Variants in SEPTIN10 observed in about 807,000 individuals in gnomAD.
SEPTIN10 encodes septin-10.
A neutral mutation model predicts 54.8 loss-of-function variants in SEPTIN10; 66 were observed. The ratio of observed to expected loss-of-function variants is 1.21; its 90% CI spans 0.99 to 1.48. The LOEUF (loss-of-function observed/expected upper bound fraction) is 1.48, where lower values mean the gene tolerates loss of function less well. SEPTIN10 is among the 40% of genes most tolerant of loss of function. The pLI, the probability that SEPTIN10 is intolerant of heterozygous loss-of-function variation, is 0.00. For missense variants in SEPTIN10, 620 were observed against 545.6 expected (o/e 1.14, Z -1.36); for synonymous variants, 161 against 181.0 (o/e 0.89, Z 0.89).
At position 109,564,414 on chromosome 2, in the gene SEPTIN10, A is replaced by G. The variant is rs1029419771; in HGVS notation, c.980T>C (p.Leu327Pro). 2.5e-5 allele frequency: 40 copies of G among 1,593,622 alleles called. No homozygotes were observed. Among genetic ancestry groups the G allele is most frequent in the Admixed American group, 5.1e-5 (3 of 59,010 alleles). The change falls in exon 8 of 11, where the codon CTG becomes CCG. Residue 327 changes from leucine (L) to proline (P), a missense_variant. Coordinates refer to ENST00000397712, the MANE Select transcript of SEPTIN10 (RefSeq NM_144710.5). ...RHYELYRRCKLEEMGFTDVGP... is the reference protein window; with the variant it reads ...RHYELYRRCKPEEMGFTDVGP... Reference sequence around the variant, plus strand: ...CACATCTGTAAAGCCCATTTCCTCCAGTTTGCAGCGCCTGTAAAGCTCATA... The same window carrying G: ...CACATCTGTAAAGCCCATTTCCTCCGGTTTGCAGCGCCTGTAAAGCTCATA...
Position 109,557,370 on chromosome 2 carries a change from AC to A in SEPTIN10, c.1029-4152del, listed in dbSNP as rs531964871. 1.2e-4 allele frequency among the ~76,000 whole-genome samples: 18 copies of A among 152,304 alleles called. No individual in the cohort carries two copies. In the South Asian group the frequency reaches 3.3e-3, roughly 28 times the overall value. Reference sequence around the variant, plus strand: ...TACTCTTCTGGACTCCTTTATGTTGACTATTTAATTCCCACAGCAACCCTGA... The same window carrying A: ...TACTCTTCTGGACTCCTTTATGTTGATATTTAATTCCCACAGCAACCCTGA... On this transcript the variant is annotated intron_variant, in intron 8 of 10. Coordinates refer to ENST00000397712, the MANE Select transcript of SEPTIN10 (RefSeq NM_144710.5).
chr2:109,545,244 C>T, intron 10 of SEPTIN10: 1 of 1,359,292 alleles, frequency 7.4e-7, no homozygotes. Context: ...TGATGAATTT[C>T]CTCAAGAGCC....
chr2:109,567,698 C>G (rs975921986), intron 6 of SEPTIN10, 117 bp downstream of exon 6: 20 of 1,049,760 alleles, frequency 1.9e-5, no homozygotes, highest in Middle Eastern at 6.7e-4. Context: ...GAAAATTCAC[C>G]TTGTTTGAAG....
intron 9 of SEPTIN10, among the ~76,000 whole-genome samples, chr2:109,550,378 T>A (rs1682609187): frequency 6.6e-6 from 1 of 151,534 alleles, no homozygotes; most frequent in Non-Finnish European, 1.5e-5. Context: ...AGTGGCATAA[T>A]CTTGGCTCAC....
At position 109,565,934 on chromosome 2, in the gene SEPTIN10, G is replaced by C. The variant is rs538631640; in HGVS notation, c.763-75C>G. ...TAGATAAAATAAATTTTATGTGAGAGAGAAGAGAATAATTAAATAACAAAC... is the reference window on the plus strand; with the variant it reads ...TAGATAAAATAAATTTTATGTGAGACAGAAGAGAATAATTAAATAACAAAC... On this transcript the variant is annotated intron_variant, in intron 6 of 10. Coordinates refer to ENST00000397712, the MANE Select transcript of SEPTIN10 (RefSeq NM_144710.5). 37 of 1,270,870 alleles carry C rather than the reference G, an allele frequency of 2.9e-5. No individual in the cohort carries two copies. The South Asian group carries it at 4.4e-4, about 15-fold the overall frequency. 78.7% of individuals were successfully genotyped at this position (1,270,870 alleles called of 1,614,324 possible). A position where few individuals can be genotyped will look rare whatever the true frequency, so the allele number is the denominator to read the frequency against.
chr2:109,556,190 G>A lies in SEPTIN10; in HGVS notation c.1029-2971C>T, dbSNP rs2104891778. On this transcript the variant is annotated intron_variant, in intron 8 of 10. Transcript: ENST00000397712. ...CAGTAGCTGCCCTTTCCTATGTGTA[G>A]AATTTTGGAGGTATAATAAGCCTTC... Among the ~76,000 whole-genome samples, 2 of 152,284 alleles carry A rather than the reference G, an allele frequency of 1.3e-5. 1 individual carries two copies. The highest frequency in any genetic ancestry group is 6.8e-3 in the Middle Eastern group (2 of 294).
chr2:109,577,597 T>TA (rs1279026463), intron 4 of SEPTIN10, among the ~76,000 whole-genome samples: 49 of 127,940 alleles, frequency 3.8e-4, no homozygotes, highest in Admixed American at 2.9e-3. Flanking sequence ...ACCTCAAAAT[T>TA]TAAAAAAAAA....
At chr2:109,577,025 C>G (rs868274095) in intron 4 of SEPTIN10, among the ~76,000 whole-genome samples, 139 of 152,054 alleles carry the variant, frequency 9.1e-4, no homozygotes, top group African/African-American at 3.3e-3. Flanking sequence ...AATAAAAACC[C>G]AGGTACAGCA....
At chr2:109,545,689 A>G (rs1681019070) in intron 10 of SEPTIN10, 2 of 1,463,404 alleles carry the variant, frequency 1.4e-6, no homozygotes, top group Non-Finnish European at 9.0e-7. Flanking sequence ...GAAATTCAAA[A>G]TAACTCATGG....
intron 1 of SEPTIN10, among the ~76,000 whole-genome samples, chr2:109,600,419 T>A (rs938527584): frequency 1.3e-5 from 2 of 152,100 alleles, no homozygotes; most frequent in African/African-American, 4.8e-5. Context: ...ATTCTGTGCA[T>A]CTGACAATAT....
At chr2:109,563,722 C>G (rs1175602251) in intron 8 of SEPTIN10, among the ~76,000 whole-genome samples, 1 of 152,190 alleles carries the variant, frequency 6.6e-6, no homozygotes, top group East Asian at 1.9e-4. Context: ...CTCCAACTCC[C>G]TACAAGCACT....
intron 5 of SEPTIN10, 116 bp from the exon 6 acceptor site, chr2:109,568,092 G>A (rs1687501306): frequency 1.3e-6 from 1 of 761,398 alleles, no homozygotes; most frequent in Admixed American, 2.9e-5. Flanking sequence ...ACCTAGATCG[G>A]GGGGCTGGCA....
At chr2:109,564,217 G>A in intron 8 of SEPTIN10, 149 bp downstream of exon 8, 2 of 661,532 alleles carry the variant, frequency 3.0e-6, no homozygotes, top group Non-Finnish European at 4.4e-6. Flanking sequence ...AGTGATTCAA[G>A]AAGCACAATA....
intron 3 of SEPTIN10, 99 bp downstream of exon 3, chr2:109,585,622 T>G: frequency 4.5e-6 from 4 of 886,296 alleles, no homozygotes; most frequent in Non-Finnish European, 7.3e-6. Flanking sequence ...GATCATGATT[T>G]CAAATTGATA....
At chr2:109,604,152 ACT>A (rs1697324978) in intron 1 of SEPTIN10, among the ~76,000 whole-genome samples, 1 of 128,096 alleles carries the variant, frequency 7.8e-6, no homozygotes, top group Non-Finnish European at 1.6e-5. Flanking sequence ...ACAGAGCGAG[ACT>A]CTGCCTCAAA....
chr2:109,547,350 T>C (rs893758973), intron 9 of SEPTIN10, among the ~76,000 whole-genome samples: 3 of 150,648 alleles, frequency 2.0e-5, no homozygotes, highest in African/African-American at 7.3e-5. Flanking sequence ...ATATGTGAAA[T>C]ATACATGCTA....
chr2:109,591,560 C>CT (rs1178795284), intron 2 of SEPTIN10, among the ~76,000 whole-genome samples: 1 of 152,156 alleles, frequency 6.6e-6, no homozygotes, highest in Non-Finnish European at 1.5e-5. Flanking sequence ...AAACAAGAGA[C>CT]TACAGTTATT....
In SEPTIN10 at chr2:109,576,862, A is replaced by G. The variant is rs999306039; in HGVS notation, c.414-2095T>C. Among the ~76,000 whole-genome samples, 17 of 152,218 alleles carry G rather than the reference A, an allele frequency of 1.1e-4. 1 individual carries two copies. The highest frequency in any genetic ancestry group is 1.1e-3 in the Admixed American group (17 of 15,290). ...AAGATATAATGAGAAGATCTAACAT[A>G]TATTTCATCAAAGTTTTCAAAGGAA... On this transcript the variant is annotated intron_variant, in intron 4 of 10. Coordinates refer to ENST00000397712, the MANE Select transcript of SEPTIN10 (RefSeq NM_144710.5).
In SEPTIN10 at chr2:109,593,132, T is replaced by C. The variant is rs1309387989; in HGVS notation, c.31-13A>G. The C allele has an allele frequency of 1.3e-6, 2 of 1,577,460 alleles. No homozygotes were observed. The highest frequency in any genetic ancestry group is 1.8e-5 in the Admixed American group (1 of 55,190). ...GAGACTGAAAGAGCTAAAAAAGGAA[T>C]ACAAAGGCTTAAAAGGAAACAGAAA... is the stretch of plus-strand genomic sequence containing the variant. On this transcript the variant is annotated splice_polypyrimidine_tract_variant and intron_variant, in intron 1 of 10. Transcript: ENST00000397712.
Sources: allele counts gnomAD v4.1 joint callset (sites outside exome capture counted in the v4.1 genomes callset), GRCh38; gene constraint gnomAD v4.1.1; transcripts MANE v1.5; gene names NCBI Gene and HGNC (gene_info 2026-07-23, HGNC 2026-07-21).